TSC2: variants seen among roughly 807,000 people sequenced by gnomAD.
TSC2 encodes TSC complex subunit 2, also known as tuberin.
Under a neutral mutation model 202.2 loss-of-function variants are expected in TSC2, and 29 were observed. That is an observed-to-expected ratio of 0.14 (90% CI 0.11 to 0.20). TSC2 has a LOEUF of 0.20. Ranked by LOEUF, TSC2 falls within the 10% of genes least tolerant of loss-of-function variation. The probability of loss-of-function intolerance (pLI) is 1.00; values close to 1 mark genes in which losing one functional copy is unlikely to be tolerated. For missense variants in TSC2, 2,429 were observed against 2,420.0 expected, an observed-to-expected ratio of 1.00 and a Z score of -0.08; for synonymous variants, 1,349 against 1,044.0, an observed-to-expected ratio of 1.29 and a Z score of -5.63.
chr16:2,067,811 G>A (rs933960483), intron 16 of TSC2, among the ~76,000 whole-genome samples: 2 of 152,172 alleles, frequency 1.3e-5, no homozygotes, highest in Non-Finnish European at 2.9e-5. Flanking sequence ...CCTCCTTGGT[G>A]TCTCATCCAC....
At chr16:2,082,186 C>A in intron 31 of TSC2, 2 of 602,636 alleles carry the variant, frequency 3.3e-6, no homozygotes, top group Non-Finnish European at 5.9e-6. Flanking sequence ...TCTCGCCAGG[C>A]CCTCTGGCTC....
At chr16:2,081,839 C>T (rs762868431) in intron 31 of TSC2, 41 bp downstream of exon 31, 11 of 1,604,420 alleles carry the variant, frequency 6.9e-6, no homozygotes, top group Non-Finnish European at 9.3e-6. Flanking sequence ...TCTGCTCCCA[C>T]TGGCCTGGTG....
In TSC2 at chr16:2,071,914, C is replaced by G. The variant is rs1167258871; in HGVS notation, c.2077C>G (p.Leu693Val). 4 of 1,591,722 alleles carry G rather than the reference C, an allele frequency of 2.5e-6. No homozygotes were observed. The highest frequency in any genetic ancestry group is 2.3e-5 in the South Asian group (2 of 88,066). ...GCCCTACTCCCTGCTCTTCCGCGTCCTGCTGCAGTGCTTGAAGCAGGTGAG... is the reference window on the plus strand; with the variant it reads ...GCCCTACTCCCTGCTCTTCCGCGTCGTGCTGCAGTGCTTGAAGCAGGTGAG... ...SVPYSLLFRV[L>V]LQCLKQESDW... The change falls in exon 19 of 42, where the codon CTG becomes GTG. Residue 693 changes from leucine (L) to valine (V), a missense_variant. Coordinates refer to ENST00000219476, the MANE Select transcript of TSC2 (RefSeq NM_000548.5).
intron 12 of TSC2, 73 bp from the exon 13 acceptor site, chr16:2,062,424 C>A: frequency 7.0e-7 from 1 of 1,437,856 alleles, no homozygotes; most frequent in South Asian, 1.2e-5. Flanking sequence ...ACCAGCCTCT[C>A]GACCAGCAGC....
At chr16:2,060,207 A>C (rs1487394634) in intron 10 of TSC2, among the ~76,000 whole-genome samples, 1 of 152,212 alleles carries the variant, frequency 6.6e-6, no homozygotes, top group Non-Finnish European at 1.5e-5. Context: ...CTGTGCTCAC[A>C]GCTCCCTGGA....
At chr16:2,050,781 G>T (rs542975938) in intron 3 of TSC2, among the ~76,000 whole-genome samples, 1 of 151,798 alleles carries the variant, frequency 6.6e-6, no homozygotes, top group Admixed American at 6.6e-5. Flanking sequence ...TAGAGACGGG[G>T]TTTCGCCATG....
intron 30 of TSC2, 115 bp from the exon 31 acceptor site, chr16:2,081,480 T>C: frequency 1.5e-6 from 2 of 1,296,546 alleles, no homozygotes; most frequent in Non-Finnish European, 2.2e-6. Context: ...GTCCTGAGGA[T>C]TGTGGGAGGG....
In TSC2 at chr16:2,076,601, G is replaced by C. The variant is rs397515095; in HGVS notation, c.2837+16G>C. The C allele has an allele frequency of 6.2e-7, 1 of 1,612,508 alleles. No individual in the cohort carries two copies. The highest frequency in any genetic ancestry group is 1.7e-5 in the Admixed American group (1 of 60,010). On this transcript the variant is annotated intron_variant, in intron 25 of 41. Coordinates refer to ENST00000219476, the MANE Select transcript of TSC2 (RefSeq NM_000548.5). ...GACCCAAGAGGTACGGCCTGCGGGG[G>C]TGTGCCTGGAGTCGGTGTGGGGTGG... is the stretch of plus-strand genomic sequence containing the variant.
chr16:2,071,332 G>C, intron 17 of TSC2, 178 bp from the exon 18 acceptor site: 1 of 679,540 alleles, frequency 1.5e-6, no homozygotes, highest in Non-Finnish European at 2.6e-6. Flanking sequence ...TGGGTGCTGG[G>C]CCTCCGGTGT....
At chr16:2,082,690 C>G (rs960894966) in intron 32 of TSC2, 186 bp downstream of exon 32, 280 of 686,892 alleles carry the variant, frequency 4.1e-4, no homozygotes, top group Non-Finnish European at 5.4e-4. Context: ...ATCCCCTTGA[C>G]TTGGTCCCTT....
intron 25 of TSC2, 198 bp downstream of exon 25, chr16:2,076,783 C>T (rs1028277032): frequency 6.4e-5 from 39 of 607,964 alleles, no homozygotes; most frequent in Admixed American, 2.5e-4. Context: ...GGCCTGGGTC[C>T]GGGCTGCGTG....
chr16:2,086,962 G>A (rs2090887582), intron 38 of TSC2, 91 bp downstream of exon 38: 21 of 1,530,892 alleles, frequency 1.4e-5, no homozygotes, highest in South Asian at 2.4e-5. Context: ...CCTGAGCTTC[G>A]GTCACGAGGA....
At chr16:2,055,945 C>G (rs963229718) in intron 6 of TSC2, 2 of 574,866 alleles carry the variant, frequency 3.5e-6, no homozygotes, top group East Asian at 3.1e-5. Flanking sequence ...TAGCTCTCAT[C>G]TGATGTCTTG....
At chr16:2,084,817 G>T (rs1212095860) in intron 34 of TSC2, 102 bp downstream of exon 34, 23 of 1,598,928 alleles carry the variant, frequency 1.4e-5, no homozygotes, top group Non-Finnish European at 1.9e-5. Context: ...GTCCTCGCCT[G>T]TGCCCTAGGG....
chr16:2,049,170 C>G (rs1439035973), intron 2 of TSC2, among the ~76,000 whole-genome samples: 1 of 152,100 alleles, frequency 6.6e-6, no homozygotes, highest in Non-Finnish European at 1.5e-5. Context: ...GCTGCTACCT[C>G]TGCCTCCCAG....
intron 16 of TSC2, chr16:2,066,363 G>T (rs745832745): frequency 6.6e-6 from 1 of 152,542 alleles, no homozygotes; most frequent in Non-Finnish European, 1.5e-5. Flanking sequence ...TCATGGCTGA[G>T]TAGTATTCCA....
chr16:2,076,199 C>G lies in TSC2; in HGVS notation c.2742+29C>G, dbSNP rs755550271. 8 of 1,612,822 alleles carry G rather than the reference C, an allele frequency of 5.0e-6. No homozygotes were observed. The African/African-American group carries it at 5.3e-5, about 11-fold the overall frequency. ...GGCTCAGGGCCGGTGAAGGCTGTGT[C>G]TCTCGGTAGGCCAGGGCTTGCTTTG... On this transcript the variant is annotated intron_variant, in intron 24 of 41. Coordinates refer to ENST00000219476, the MANE Select transcript of TSC2 (RefSeq NM_000548.5).
rs974342129 is a variant in TSC2, at chr16:2,079,937, G to A, written c.3398-228G>A. ...CGGCTCAGTCCTGGAGCCCTTCTCT[G>A]CTCCAGCGAGCCGTGGTCTGACTGC... On this transcript the variant is annotated intron_variant, in intron 29 of 41. Coordinates refer to ENST00000219476, the MANE Select transcript of TSC2 (RefSeq NM_000548.5). The surrounding 1 kb of genome is among the most constrained non-coding windows in gnomAD (Gnocchi z 4.6). 6.6e-5 allele frequency among the ~76,000 whole-genome samples: 10 copies of A among 152,214 alleles called. No homozygotes were observed. The highest frequency in any genetic ancestry group is 3.3e-4 in the Admixed American group (5 of 15,290).
intron 32 of TSC2, chr16:2,082,874 T>C (rs2090310624): frequency 2.5e-6 from 1 of 403,862 alleles, no homozygotes; most frequent in Middle Eastern, 8.0e-4. Flanking sequence ...GGCCTTGCCC[T>C]GGCCTTTGGT....
Sources: allele counts gnomAD v4.1 joint callset (sites outside exome capture counted in the v4.1 genomes callset), GRCh38; gene constraint gnomAD v4.1.1; non-coding constraint Gnocchi (gnomAD v3.1); transcripts MANE v1.5; gene names NCBI Gene and HGNC (gene_info 2026-07-23, HGNC 2026-07-21).